TMX4: variants seen among roughly 807,000 people sequenced by gnomAD.
TMX4 encodes thioredoxin-related transmembrane protein 4.
TMX4 carries 23 observed loss-of-function variants against 33.3 expected under a neutral mutation model. The observed-to-expected ratio is 0.69, with a 90% CI of 0.50 to 0.98. The LOEUF (loss-of-function observed/expected upper bound fraction) is 0.98. Among genes scored for constraint, TMX4 ranks in the 50% least tolerant of loss-of-function variants. TMX4 has a pLI of 0.00. For missense variants in TMX4, 399 were observed against 448.9 expected, an observed-to-expected ratio of 0.89 and a Z score of 1.01; for synonymous variants, 164 against 161.5, an observed-to-expected ratio of 1.02 and a Z score of -0.12.
chr20:7,982,452 G>T lies in TMX4; in HGVS notation c.849C>A (p.Asp283Glu), dbSNP rs1417215672. The part of the protein sequence containing the change: ...EDEAEEEEEE[D>E]NLAAGVDEER... ...CCTCATCCACACCAGCAGCCAAGTTGTCCTCCTCCTCTTCTTCCTCTGCTT... is the reference window on the plus strand; with the variant it reads ...CCTCATCCACACCAGCAGCCAAGTTTTCCTCCTCCTCTTCTTCCTCTGCTT... Residue 283 changes from aspartate to glutamate, a missense_variant, in exon 8 of 8, where the codon GAC becomes GAA. Asp to Glu is a conservative substitution (Grantham distance 45). Coordinates refer to ENST00000246024, the MANE Select transcript of TMX4 (RefSeq NM_021156.4). 5 of 1,614,052 alleles carry T rather than the reference G, an allele frequency of 3.1e-6. No individual in the cohort carries two copies. The East Asian group carries it at 1.1e-4, about 36-fold the overall frequency.
chr20:8,017,163 A>T (rs1378786429), intron 1 of TMX4, among the ~76,000 whole-genome samples: 1 of 152,206 alleles, frequency 6.6e-6, no homozygotes, highest in African/African-American at 2.4e-5. Flanking sequence ...TAGATCACAA[A>T]TAGATAAGAA....
intron 1 of TMX4, among the ~76,000 whole-genome samples, chr20:8,010,536 G>C (rs190743418): frequency 9.6e-4 from 146 of 152,226 alleles, no homozygotes; most frequent in African/African-American, 3.4e-3. Flanking sequence ...GCCAAAGTTT[G>C]AGAATATTTC....
chr20:8,018,529 T>TTCC lies in TMX4; in HGVS notation c.176+908_176+909insGGA, dbSNP rs1555779552. Among the ~76,000 whole-genome samples, 4 of 40,242 alleles carry TTCC rather than the reference T, an allele frequency of 9.9e-5. 1 individual carries two copies. Among genetic ancestry groups the TTCC allele is most frequent in the African/African-American group, 2.1e-4 (2 of 9,608 alleles). The allele number at this position is 40,242 out of a possible 152,430, so 26.4% of individuals were successfully genotyped here. A position where few individuals can be genotyped will look rare whatever the true frequency, so the allele number is the denominator to read the frequency against. ...GAGAGAGAGAGAGAGAGAGAGAGAG[T>TTCC]CTGCAAGCCCACCATGATGGTCTCT... On this transcript the variant is annotated intron_variant, in intron 1 of 7. Coordinates refer to ENST00000246024, the MANE Select transcript of TMX4 (RefSeq NM_021156.4).
In TMX4 at chr20:7,983,825, C is replaced by T. The variant is rs568349424; in HGVS notation, c.648G>A (p.Val216=). The T allele has an allele frequency of 1.2e-6, 2 of 1,613,316 alleles. No individual in the cohort carries two copies. The highest frequency in any genetic ancestry group is 1.7e-6 in the Non-Finnish European group (2 of 1,179,746). Residue 216 remains valine (V), a synonymous_variant, in exon 7 of 8, where the codon GTG becomes GTA. Coordinates refer to ENST00000246024, the MANE Select transcript of TMX4 (RefSeq NM_021156.4). ...GCTCAGATAAATGCCTTGGAAGTGGCACATAGAAACATTCTGATATTACCA... is the reference window on the plus strand; with the variant it reads ...GCTCAGATAAATGCCTTGGAAGTGGTACATAGAAACATTCTGATATTACCA... ...VLVVISECFY[V]PLPRHLSERS... is the part of the protein sequence containing the mutation.
At chr20:8,017,856 T>C (rs1179796427) in intron 1 of TMX4, among the ~76,000 whole-genome samples, 2 of 152,160 alleles carry the variant, frequency 1.3e-5, no homozygotes, top group African/African-American at 2.4e-5. Flanking sequence ...CTTCCAAAAA[T>C]AGTTAAGTGG....
Position 8,019,530 on chromosome 20 carries a change from C to A in TMX4, c.84G>T (p.Glu28Asp). 6.7e-7 allele frequency: 1 copy of A among 1,488,340 alleles called. No individual in the cohort carries two copies. Among genetic ancestry groups the A allele is most frequent in the Non-Finnish European group, 8.9e-7 (1 of 1,119,414 alleles). 92.2% of individuals were successfully genotyped at this position (1,488,340 alleles called of 1,614,324 possible). Reference protein sequence around the residue: ...IAAVAATAGPEEAALPPEQSR... With the variant: ...IAAVAATAGPDEAALPPEQSR... Reference sequence around the variant, plus strand: ...TCTGCTCCGGCGGCAGCGCGGCCTCCTCGGGGCCTGCCGTCGCCGCCACAG... The same window carrying A: ...TCTGCTCCGGCGGCAGCGCGGCCTCATCGGGGCCTGCCGTCGCCGCCACAG... The change falls in exon 1 of 8, where the codon GAG becomes GAT. Residue 28 changes from glutamate (E) to aspartate (D), a missense_variant. Physicochemically the swap from Glu to Asp is conservative, Grantham distance 45 (BLOSUM62 2). Transcript: ENST00000246024.
intron 1 of TMX4, among the ~76,000 whole-genome samples, chr20:8,017,553 A>G (rs953699746): frequency 6.6e-6 from 1 of 151,262 alleles, no homozygotes; most frequent in Non-Finnish European, 1.5e-5. Flanking sequence ...TTCTATTACC[A>G]AAAAAAAAGC....
At chr20:8,010,934 A>G (rs1430679244) in intron 1 of TMX4, among the ~76,000 whole-genome samples, 1 of 152,152 alleles carries the variant, frequency 6.6e-6, no homozygotes. Flanking sequence ...TTCATTCAAT[A>G]AATACTAAGA....
rs1600139177 is a variant in TMX4 at position 7,983,769 on chromosome 20, G to A, written c.679+25C>T. ...ATCACAGAATTCCAAAAACACTCTA[G>A]ATCACAGGAGCTTATCGTACTTACC... is the stretch of plus-strand genomic sequence containing the variant. On this transcript the variant is annotated intron_variant, in intron 7 of 7. Transcript: ENST00000246024. 2.5e-6 allele frequency: 4 copies of A among 1,607,096 alleles called. No homozygotes were observed. In the East Asian group the frequency reaches 9.0e-5, roughly 36 times the overall value.
intron 5 of TMX4, among the ~76,000 whole-genome samples, chr20:7,987,931 T>C (rs1487078999): frequency 6.6e-6 from 1 of 152,206 alleles, no homozygotes; most frequent in Non-Finnish European, 1.5e-5. Context: ...GTTTTTCTGA[T>C]TAATTTATTA....
At chr20:8,001,751 T>C (rs772620929) in intron 2 of TMX4, among the ~76,000 whole-genome samples, 5 of 152,196 alleles carry the variant, frequency 3.3e-5, no homozygotes, top group Admixed American at 1.3e-4. Flanking sequence ...ACTTGGATTG[T>C]AAGGAGGCTG....
chr20:7,988,955 A>G (rs6140488), intron 5 of TMX4, among the ~76,000 whole-genome samples: 36,693 of 151,368 alleles, frequency 0.24, 8,163 homozygotes, highest in East Asian at 0.59. Context: ...CCCCGGAGGC[A>G]GAGGGAGTGG....
At chr20:8,017,513 A>C (rs540930844) in intron 1 of TMX4, among the ~76,000 whole-genome samples, 63 of 152,212 alleles carry the variant, frequency 4.1e-4, no homozygotes, top group Non-Finnish European at 6.6e-4. Flanking sequence ...GCTCTCCCTC[A>C]AAAACTTATT....
intron 6 of TMX4, among the ~76,000 whole-genome samples, chr20:7,985,622 T>C (rs2050628106): frequency 6.6e-6 from 1 of 152,204 alleles, no homozygotes; most frequent in Admixed American, 6.5e-5. Flanking sequence ...TTTTGGAAAC[T>C]TATTAACAGT....
At position 7,979,485 on chromosome 20, in the gene TMX4, A is replaced by G. The variant is rs2122845613; in HGVS notation, c.*2766T>C. On this transcript the variant is annotated 3_prime_UTR_variant, in exon 8 of 8. Transcript: ENST00000246024. ...CCAGGTACGGTGGCTCACACCTGTA[A>G]TCCCAGCACGTTGGGAGGCTGAGGC... 1 of 152,274 alleles carries G rather than the reference A, an allele frequency of 6.6e-6. No individual in the cohort carries two copies. Among genetic ancestry groups the G allele is most frequent in the Admixed American group, 6.5e-5 (1 of 15,298 alleles). The allele number at this position is 152,274 out of a possible 1,614,324, so 9.4% of individuals were successfully genotyped here.
Position 7,979,456 on chromosome 20 carries a change from T to C in TMX4, c.*2795A>G, listed in dbSNP as rs1357453397. On this transcript the variant is annotated 3_prime_UTR_variant, in exon 8 of 8. Transcript: ENST00000246024. The stretch of plus-strand genomic sequence containing the variant: ...TATTTCTGAGAAAGAAAGTACATTT[T>C]CTGCCAGGTACGGTGGCTCACACCT... The C allele has an allele frequency of 6.6e-6, 1 of 152,178 alleles. No individual in the cohort carries two copies. Among genetic ancestry groups the C allele is most frequent in the African/African-American group, 2.4e-5 (1 of 41,434 alleles). The allele number at this position is 152,178 out of a possible 1,614,324, so 9.4% of individuals were successfully genotyped here. A position where few individuals can be genotyped will look rare whatever the true frequency, so the allele number is the denominator to read the frequency against.
chr20:8,015,414 A>T (rs2050770772), intron 1 of TMX4, among the ~76,000 whole-genome samples: 2 of 152,222 alleles, frequency 1.3e-5, no homozygotes, highest in African/African-American at 4.8e-5. Context: ...ATTCCCACAC[A>T]CCAAAGAACT....
Position 7,982,291 on chromosome 20 carries a change from A to C in TMX4, c.1010T>G (p.Leu337Trp). The stretch of plus-strand genomic sequence containing the variant: ...AGCATGCTGACTTTTACGCTGCCTC[A>C]AGGAGTCTTCCACCACCTCTGTGTC... ...PADTEVVEDS[L>W]RQRKSQHADK... The change falls in exon 8 of 8, where the codon TTG becomes TGG. Residue 337 changes from leucine to tryptophan, a missense_variant. By Grantham distance (61) the Leu-to-Trp change is moderately conservative. Transcript: ENST00000246024. 6.2e-7 allele frequency: 1 copy of C among 1,614,002 alleles called. No homozygotes were observed. Among genetic ancestry groups the C allele is most frequent in the Non-Finnish European group, 8.5e-7 (1 of 1,179,992 alleles).
At chr20:7,992,460 TGTGGTATGAA>T (rs2050659238) in intron 5 of TMX4, among the ~76,000 whole-genome samples, 1 of 152,202 alleles carries the variant, frequency 6.6e-6, no homozygotes, top group Non-Finnish European at 1.5e-5. Context: ...TTGTCCATAT[TGTGGTATGAA>T]TGACATATCG....
Sources: allele counts gnomAD v4.1 joint callset (sites outside exome capture counted in the v4.1 genomes callset), GRCh38; gene constraint gnomAD v4.1.1; transcripts MANE v1.5; gene names NCBI Gene and HGNC (gene_info 2026-07-23, HGNC 2026-07-21).